Variants in MTF2 observed in about 807,000 individuals in gnomAD.
MTF2 encodes metal response element binding transcription factor 2.
A neutral mutation model predicts 79.5 loss-of-function variants in MTF2; 11 were observed. The ratio of observed to expected loss-of-function variants is 0.14; its 90% confidence interval spans 0.09 to 0.23. The LOEUF is 0.23. Ranked by LOEUF, MTF2 falls within the 10% of genes least tolerant of loss-of-function variation. The pLI is 1.00. For missense variants in MTF2, 486 were observed against 711.2 expected, an observed-to-expected ratio of 0.68 and a Z score of 3.60; for synonymous variants, 208 against 232.8, an observed-to-expected ratio of 0.89 and a Z score of 0.97.
At chr1:93,131,530 A>G (rs1020849460) in intron 11 of MTF2, among the ~76,000 whole-genome samples, 1 of 152,170 alleles carries the variant, frequency 6.6e-6, no homozygotes, top group Non-Finnish European at 1.5e-5. Context: ...ACAGTAGTAA[A>G]GGAAAGGAGG....
Position 93,118,331 on chromosome 1 carries a change from G to GT in MTF2, c.633-6dup, listed in dbSNP as rs771331927. 1.6e-4 allele frequency: 201 copies of GT among 1,271,380 alleles called. No homozygotes were observed. Among genetic ancestry groups the GT allele is most frequent in the East Asian group, 7.0e-4 (23 of 32,628 alleles). 78.8% of individuals were successfully genotyped at this position (1,271,380 alleles called of 1,614,324 possible). ...CAGGAATTTTAGTGTTAACTTTTTT[G>GT]TTTTTTTTAATAGCTGGTATTTGAA... is the stretch of plus-strand genomic sequence containing the variant. On this transcript the variant is annotated splice_polypyrimidine_tract_variant and intron_variant, in intron 6 of 14. Transcript: ENST00000370298.
chr1:93,123,959 G>A (rs1040371438), intron 9 of MTF2, among the ~76,000 whole-genome samples: 3 of 151,610 alleles, frequency 2.0e-5, no homozygotes, highest in Non-Finnish European at 2.9e-5. Flanking sequence ...ATCATCCAAA[G>A]CTGTGACTTC....
At chr1:93,110,503 T>C (rs771144846) in intron 2 of MTF2, 42 bp from the exon 3 acceptor site, 14 of 1,602,530 alleles carry the variant, frequency 8.7e-6, no homozygotes, top group Non-Finnish European at 1.2e-5. Context: ...TTCATGTTTT[T>C]AATTTTAAGA....
At chr1:93,120,352 T>C in intron 8 of MTF2, 197 bp from the exon 9 acceptor site, 2 of 397,604 alleles carry the variant, frequency 5.0e-6, no homozygotes, top group Admixed American at 4.9e-5. Flanking sequence ...TAGTTTATAG[T>C]TGCTATTCAG....
chr1:93,083,144 G>T (rs1288897106), intron 1 of MTF2, among the ~76,000 whole-genome samples: 1 of 152,164 alleles, frequency 6.6e-6, no homozygotes, highest in African/African-American at 2.4e-5. Context: ...TGTTGAAGTG[G>T]CCCCCTTGAA....
Position 93,133,908 on chromosome 1 carries a change from T to C in MTF2, c.1267-20T>C. 1 of 1,551,942 alleles carries C rather than the reference T, an allele frequency of 6.4e-7. No individual in the cohort carries two copies. The highest frequency in any genetic ancestry group is 1.1e-5 in the South Asian group (1 of 87,354). On this transcript the variant is annotated intron_variant, in intron 12 of 14. Transcript: ENST00000370298. The stretch of plus-strand genomic sequence containing the variant: ...GCTTACTTTAGAGACATGCTTTAAG[T>C]ATATATTTTTATTTTCCAGGATAAG...
rs140305129 is a variant in MTF2 at position 93,110,257 on chromosome 1, G to A, written c.33G>A (p.Leu11=). 3 of 1,614,016 alleles carry A rather than the reference G, an allele frequency of 1.9e-6. No homozygotes were observed. The highest frequency in any genetic ancestry group is 2.5e-6 in the Non-Finnish European group (3 of 1,180,012). ...ACTCTACAGGGGCAGGTAATTCACTGGTCCACAAGCGGTCTCCTTTACGTC... is the reference window on the plus strand; with the variant it reads ...ACTCTACAGGGGCAGGTAATTCACTAGTCCACAAGCGGTCTCCTTTACGTC... MRDSTGAGNS[L]VHKRSPLRRN... The change falls in exon 2 of 15, where the codon CTG becomes CTA. Residue 11 remains leucine, a synonymous_variant. Coordinates refer to ENST00000370298, the MANE Select transcript of MTF2 (RefSeq NM_007358.4).
intron 1 of MTF2, among the ~76,000 whole-genome samples, chr1:93,091,175 T>G (rs1268885127): frequency 6.6e-6 from 1 of 152,186 alleles, no homozygotes; most frequent in African/African-American, 2.4e-5. Flanking sequence ...AATTGTTATA[T>G]TCAATAAACA....
At chr1:93,090,750 G>A (rs1484374399) in intron 1 of MTF2, among the ~76,000 whole-genome samples, 1 of 147,816 alleles carries the variant, frequency 6.8e-6, no homozygotes, top group Non-Finnish European at 1.5e-5. Flanking sequence ...TGCAAGCTCT[G>A]CCTCCCAGGT....
At chr1:93,102,558 CT>C (rs1655590296) in intron 1 of MTF2, among the ~76,000 whole-genome samples, 1 of 151,970 alleles carries the variant, frequency 6.6e-6, no homozygotes, top group Admixed American at 6.6e-5. Flanking sequence ...CACCACTGCA[CT>C]TCAGCCTGGG....
intron 9 of MTF2, among the ~76,000 whole-genome samples, chr1:93,126,741 TA>T (rs1345025578): frequency 6.6e-6 from 1 of 152,088 alleles, no homozygotes; most frequent in Non-Finnish European, 1.5e-5. Context: ...TACAGTATTC[TA>T]AAAAATTATA....
chr1:93,082,817 C>T (rs1654662844), intron 1 of MTF2, among the ~76,000 whole-genome samples: 1 of 152,082 alleles, frequency 6.6e-6, no homozygotes, highest in Admixed American at 6.6e-5. Context: ...ATATTTTCAT[C>T]ATCCCAAAAA....
chr1:93,109,706 T>A (rs998533739), intron 1 of MTF2, among the ~76,000 whole-genome samples: 1 of 152,156 alleles, frequency 6.6e-6, no homozygotes, highest in African/African-American at 2.4e-5. Flanking sequence ...AAACTCTCAG[T>A]CTGCATATTT....
chr1:93,099,325 G>T (rs1157110530), intron 1 of MTF2, among the ~76,000 whole-genome samples: 1 of 152,126 alleles, frequency 6.6e-6, no homozygotes, highest in African/African-American at 2.4e-5. Flanking sequence ...AAAAACAAAT[G>T]AAAGGATTTA....
At chr1:93,125,540 G>T (rs1334408144) in intron 9 of MTF2, among the ~76,000 whole-genome samples, 1 of 152,110 alleles carries the variant, frequency 6.6e-6, no homozygotes, top group East Asian at 1.9e-4. Flanking sequence ...ATTCTAGAAG[G>T]ATGACAGAAT....
chr1:93,132,113 G>C (rs1336577658), intron 11 of MTF2, among the ~76,000 whole-genome samples: 1 of 152,084 alleles, frequency 6.6e-6, no homozygotes, highest in Non-Finnish European at 1.5e-5. Context: ...GGTAAAGATA[G>C]CTGAGAGGCT....
At chr1:93,124,592 G>C (rs1007104682) in intron 9 of MTF2, among the ~76,000 whole-genome samples, 1 of 151,842 alleles carries the variant, frequency 6.6e-6, no homozygotes, top group Non-Finnish European at 1.5e-5. Flanking sequence ...TGATACTAGA[G>C]GAAAATATAC....
intron 1 of MTF2, among the ~76,000 whole-genome samples, chr1:93,107,586 TG>T (rs1218196041): frequency 6.6e-6 from 1 of 152,238 alleles, no homozygotes; most frequent in Middle Eastern, 3.2e-3. Context: ...TTGTTTGAGT[TG>T]CCAGCTGAAC....
chr1:93,138,301 CAA>C lies in MTF2; in HGVS notation c.*1276_*1277del, dbSNP rs1248101694. 2 of 151,798 alleles carry C rather than the reference CAA, an allele frequency of 1.3e-5. No homozygotes were observed. Among genetic ancestry groups the C allele is most frequent in the Non-Finnish European group, 1.5e-5 (1 of 67,964 alleles). The allele number at this position is 151,798 out of a possible 1,614,324, so 9.4% of individuals were successfully genotyped here. The stretch of plus-strand genomic sequence containing the variant: ...TGTTTTATTTGTTTTCCTTTTTAGC[CAA>C]AGAGTGAACAGAAGATTTTCTTATT... On this transcript the variant is annotated 3_prime_UTR_variant, in exon 15 of 15. Transcript: ENST00000370298.
Sources: allele counts gnomAD v4.1 joint callset (sites outside exome capture counted in the v4.1 genomes callset), GRCh38; gene constraint gnomAD v4.1.1; transcripts MANE v1.5; gene names NCBI Gene and HGNC (gene_info 2026-07-23, HGNC 2026-07-21).